Variants in NXPH1 observed in about 807,000 individuals in gnomAD.
The protein encoded by NXPH1 is neurexophilin-1.
A neutral mutation model predicts 23.7 loss-of-function variants in NXPH1; 5 were observed. The observed-to-expected ratio is 0.21, with a 90% confidence interval of 0.11 to 0.44. The LOEUF (loss-of-function observed/expected upper bound fraction) is 0.44, where lower values mean the gene tolerates loss of function less well. NXPH1 is among the 20% of genes least tolerant of loss of function. The pLI, the probability that NXPH1 is intolerant of heterozygous loss-of-function variation, is 0.99. For synonymous variants in NXPH1, 144 were observed against 122.2 expected, an observed-to-expected ratio of 1.18 and a Z score of -1.18; for missense variants, 324 against 321.6, an observed-to-expected ratio of 1.01 and a Z score of -0.06.
chr7:8,491,010 TGACACCTGC>T (rs1027006763), intron 2 of NXPH1, among the ~76,000 whole-genome samples: 3 of 152,214 alleles, frequency 2.0e-5, no homozygotes, highest in Admixed American at 1.3e-4. Flanking sequence ...TTTCTTGTAG[TGACACCTGC>T]GACACCTGCT....
At chr7:8,515,824 C>T (rs1817677763) in intron 2 of NXPH1, among the ~76,000 whole-genome samples, 1 of 152,142 alleles carries the variant, frequency 6.6e-6, no homozygotes, top group Non-Finnish European at 1.5e-5. Context: ...CATCAGCCCT[C>T]TGAGCCAAAG....
At chr7:8,657,572 A>G (rs1195965326) in intron 2 of NXPH1, among the ~76,000 whole-genome samples, 1 of 152,258 alleles carries the variant, frequency 6.6e-6, no homozygotes, top group Non-Finnish European at 1.5e-5. Context: ...ATGAGGGCTC[A>G]TGGCAGCTGA....
chr7:8,739,281 C>T (rs1180506958), intron 2 of NXPH1, among the ~76,000 whole-genome samples: 2 of 150,114 alleles, frequency 1.3e-5, no homozygotes, highest in Non-Finnish European at 2.9e-5. Flanking sequence ...GTGGTATAGG[C>T]ACCCGAGGGA....
At chr7:8,750,758 AGTG>A (rs1481864502) in intron 2 of NXPH1, among the ~76,000 whole-genome samples, 1 of 152,094 alleles carries the variant, frequency 6.6e-6, no homozygotes, top group African/African-American at 2.4e-5. Context: ...CAAAAATATA[AGTG>A]GTGTTTTATC....
intron 2 of NXPH1, among the ~76,000 whole-genome samples, chr7:8,546,020 GGT>G (rs1166023591): frequency 1.3e-5 from 2 of 151,406 alleles, no homozygotes; most frequent in African/African-American, 4.8e-5. Flanking sequence ...TGTAGCAAAA[GGT>G]CAGAACTCTT....
intron 2 of NXPH1, among the ~76,000 whole-genome samples, chr7:8,715,985 A>T (rs1035162758): frequency 3.3e-5 from 5 of 152,320 alleles, no homozygotes; most frequent in Middle Eastern, 6.8e-3. Flanking sequence ...ATATGAATAT[A>T]CATATATGTG....
At chr7:8,459,406 G>A (rs1440648914) in intron 2 of NXPH1, among the ~76,000 whole-genome samples, 1 of 152,026 alleles carries the variant, frequency 6.6e-6, no homozygotes, top group Non-Finnish European at 1.5e-5. Context: ...ATGGACTTCT[G>A]TAATAAAACA....
intron 2 of NXPH1, among the ~76,000 whole-genome samples, chr7:8,500,240 T>C (rs1392365564): frequency 6.6e-6 from 1 of 152,072 alleles, no homozygotes; most frequent in Non-Finnish European, 1.5e-5. Context: ...ATCTAAGTTT[T>C]ACTTCAGCAG....
At chr7:8,596,714 GCA>G (rs1230610688) in intron 2 of NXPH1, among the ~76,000 whole-genome samples, 1 of 151,986 alleles carries the variant, frequency 6.6e-6, no homozygotes, top group East Asian at 1.9e-4. Context: ...AGACATTAAG[GCA>G]CAGAGAGGTT....
intron 2 of NXPH1, among the ~76,000 whole-genome samples, chr7:8,655,396 GTCTTTCTCTCTC>G (rs1820558479): frequency 7.2e-6 from 1 of 139,244 alleles, no homozygotes; most frequent in African/African-American, 2.8e-5. Context: ...CTTTGTCTTT[GTCTTTCTCTCTC>G]TCTCTCTCTC....
intron 2 of NXPH1, among the ~76,000 whole-genome samples, chr7:8,699,857 G>T (rs563904395): frequency 6.6e-6 from 1 of 152,192 alleles, no homozygotes; most frequent in Non-Finnish European, 1.5e-5. Flanking sequence ...ATGGTGATTT[G>T]TGCTGTCTTT....
chr7:8,540,093 C>A (rs570841675), intron 2 of NXPH1, among the ~76,000 whole-genome samples: 20 of 151,902 alleles, frequency 1.3e-4, no homozygotes, highest in African/African-American at 4.8e-4. Flanking sequence ...GATTTATTAG[C>A]AGATCCTACA....
At chr7:8,718,041 AT>A (rs1429887626) in intron 2 of NXPH1, among the ~76,000 whole-genome samples, 1 of 152,054 alleles carries the variant, frequency 6.6e-6, no homozygotes, top group Non-Finnish European at 1.5e-5. Flanking sequence ...ACATTAATGT[AT>A]TTCTGGTACA....
chr7:8,625,358 A>T (rs944784394), intron 2 of NXPH1, among the ~76,000 whole-genome samples: 3 of 152,112 alleles, frequency 2.0e-5, no homozygotes, highest in Non-Finnish European at 2.9e-5. Flanking sequence ...AGTTAGGGGG[A>T]AGATCAACTC....
chr7:8,703,333 C>A (rs1000723220), intron 2 of NXPH1, among the ~76,000 whole-genome samples: 2 of 152,096 alleles, frequency 1.3e-5, no homozygotes, highest in Non-Finnish European at 2.9e-5. Context: ...GTGTTCCATT[C>A]ATGCTTTCTC....
chr7:8,463,661 G>A (rs1247690785), intron 2 of NXPH1, among the ~76,000 whole-genome samples: 3 of 151,862 alleles, frequency 2.0e-5, no homozygotes, highest in South Asian at 4.2e-4. Context: ...TCAATTATTT[G>A]CATTTACTTA....
At chr7:8,638,773 A>T (rs192370323) in intron 2 of NXPH1, among the ~76,000 whole-genome samples, 63 of 152,316 alleles carry the variant, frequency 4.1e-4, no homozygotes, top group African/African-American at 1.5e-3. Context: ...TTAATTCTGT[A>T]TAATAATTTG....
chr7:8,676,072 A>G (rs1218080037), intron 2 of NXPH1, among the ~76,000 whole-genome samples: 1 of 152,196 alleles, frequency 6.6e-6, no homozygotes, highest in Non-Finnish European at 1.5e-5. Context: ...AGTCAGTGCC[A>G]CAGATGTGTT....
At chr7:8,587,731 C>T (rs1012988822) in intron 2 of NXPH1, among the ~76,000 whole-genome samples, 11 of 151,978 alleles carry the variant, frequency 7.2e-5, no homozygotes, top group Non-Finnish European at 1.2e-4. Flanking sequence ...TGAGAACGTG[C>T]GGTGTTTGGA....
Sources: allele counts gnomAD v4.1 joint callset (sites outside exome capture counted in the v4.1 genomes callset), GRCh38; gene constraint gnomAD v4.1.1; transcripts MANE v1.5; gene names NCBI Gene and HGNC (gene_info 2026-07-23, HGNC 2026-07-21).